The following PTPRA variants were observed in gnomAD, a reference collection of about 807,000 sequenced individuals.
PTPRA encodes the protein receptor-type tyrosine-protein phosphatase alpha.
A neutral mutation model predicts 104.8 loss-of-function variants in PTPRA; 25 were observed. That is an observed-to-expected ratio of 0.24 (90% CI 0.17 to 0.33). The LOEUF (loss-of-function observed/expected upper bound fraction) is 0.33. Ranked by LOEUF, PTPRA falls within the 10% of genes least tolerant of loss-of-function variation. The pLI, the probability that PTPRA is intolerant of heterozygous loss-of-function variation, is 1.00. For synonymous variants in PTPRA, 323 were observed against 368.9 expected, an observed-to-expected ratio of 0.88 and a Z score of 1.43; for missense variants, 765 against 1,015.3, an observed-to-expected ratio of 0.75 and a Z score of 3.35.
At chr20:2,974,396 G>A (rs1178023) in intron 5 of PTPRA, among the ~76,000 whole-genome samples, 28,075 of 151,258 alleles carry the variant, frequency 0.19, 3,878 homozygotes, top group African/African-American at 0.39. Flanking sequence ...GATTAAAGAC[G>A]TGAGCCACTG....
At chr20:3,009,762 T>G (rs1345152755) in intron 11 of PTPRA, among the ~76,000 whole-genome samples, 2 of 152,136 alleles carry the variant, frequency 1.3e-5, no homozygotes, top group Admixed American at 1.3e-4. Flanking sequence ...TAGGTTGACT[T>G]TAATGTTATG....
chr20:2,935,053 A>G (rs904118019), intron 2 of PTPRA, among the ~76,000 whole-genome samples: 15 of 152,178 alleles, frequency 9.9e-5, no homozygotes, highest in Non-Finnish European at 1.9e-4. Flanking sequence ...CATACAATAT[A>G]TTGTTATTAA....
chr20:2,957,866 C>T (rs2061593907), intron 3 of PTPRA, among the ~76,000 whole-genome samples: 1 of 151,774 alleles, frequency 6.6e-6, no homozygotes, highest in African/African-American at 2.4e-5. Flanking sequence ...TAAGGAAAGA[C>T]AGAAAGACTG....
chr20:2,977,929 A>G (rs2062507889), intron 6 of PTPRA, among the ~76,000 whole-genome samples: 1 of 152,146 alleles, frequency 6.6e-6, no homozygotes, highest in Non-Finnish European at 1.5e-5. Flanking sequence ...AAGGCTCATT[A>G]TATCTGGGGA....
intron 9 of PTPRA, among the ~76,000 whole-genome samples, chr20:2,997,789 G>GT (rs1183461711): frequency 6.6e-6 from 1 of 152,174 alleles, no homozygotes. Context: ...GAAAATTGAG[G>GT]TCTTTAAGGC....
intron 6 of PTPRA, among the ~76,000 whole-genome samples, chr20:2,976,269 A>T (rs982782432): frequency 1.2e-4 from 19 of 152,216 alleles, no homozygotes; most frequent in African/African-American, 2.4e-5. Context: ...ATGTAGACTT[A>T]AATAGGTTTT....
At chr20:2,910,426 AAAATG>A in intron 1 of PTPRA, among the ~76,000 whole-genome samples, 1 of 132,842 alleles carries the variant, frequency 7.5e-6, no homozygotes, top group Non-Finnish European at 1.6e-5. Context: ...TATAATATAT[AAAATG>A]TATATTATAT....
intron 9 of PTPRA, among the ~76,000 whole-genome samples, chr20:2,993,140 T>G (rs1406313956): frequency 6.6e-6 from 1 of 152,176 alleles, no homozygotes; most frequent in African/African-American, 2.4e-5. Context: ...TGGATTAAAT[T>G]GAGAGATCAG....
chr20:2,864,878 C>A, the PTPRA span: 2 of 1,524,918 alleles, frequency 1.3e-6, no homozygotes, highest in Non-Finnish European at 1.8e-6. The surrounding 1 kb of genome is among the most constrained non-coding windows in gnomAD (Gnocchi z 5.2). Context: ...CTGACCCTGG[C>A]GACCCTGGGC....
upstream of PTPRA, among the ~76,000 whole-genome samples, chr20:2,872,094 CGGAGATGGTAGGACT>C (rs961210707): frequency 2.6e-5 from 4 of 151,992 alleles, no homozygotes; most frequent in Non-Finnish European, 5.9e-5. The surrounding 1 kb of genome is among the most constrained non-coding windows in gnomAD (Gnocchi z 7.9). Context: ...TGGTGGGGAC[CGGAGATGGTAGGACT>C]GGAGATGGTA....
chr20:2,894,871 C>T (rs1172788619), intron 1 of PTPRA, among the ~76,000 whole-genome samples: 2 of 151,444 alleles, frequency 1.3e-5, no homozygotes, highest in Admixed American at 6.6e-5. Flanking sequence ...CCTGTAGTCC[C>T]AGCTACTCGG....
At chr20:2,928,682 G>A (rs919251874) in intron 2 of PTPRA, among the ~76,000 whole-genome samples, 2 of 151,876 alleles carry the variant, frequency 1.3e-5, no homozygotes, top group African/African-American at 2.4e-5. Flanking sequence ...CCATTTTTTG[G>A]TTCTTTTCTG....
chr20:2,947,970 CT>C lies in PTPRA; in HGVS notation c.-49-5del, dbSNP rs1453610821. On this transcript the variant is annotated splice_polypyrimidine_tract_variant and intron_variant, in intron 2 of 23. Transcript: ENST00000399903. ...ACTCCTAATTAACTGTTTTTTATTTCTTTTTTTCTAGGACACATGTTCAAAG... is the reference window on the plus strand; with the variant it reads ...ACTCCTAATTAACTGTTTTTTATTTCTTTTTTCTAGGACACATGTTCAAAG... 12 of 1,061,188 alleles carry C rather than the reference CT, an allele frequency of 1.1e-5. No individual in the cohort carries two copies. Among genetic ancestry groups the C allele is most frequent in the African/African-American group, 1.6e-5 (1 of 60,708 alleles). 65.7% of individuals were successfully genotyped at this position (1,061,188 alleles called of 1,614,324 possible). A position where few individuals can be genotyped will look rare whatever the true frequency, so the allele number is the denominator to read the frequency against.
At chr20:2,885,093 G>T (rs1006625255) in intron 1 of PTPRA, among the ~76,000 whole-genome samples, 2 of 152,124 alleles carry the variant, frequency 1.3e-5, no homozygotes, top group African/African-American at 2.4e-5. Flanking sequence ...AAGCCACTGC[G>T]CCCGGTTTGA....
intron 1 of PTPRA, among the ~76,000 whole-genome samples, chr20:2,919,273 CTTTA>C (rs1478630691): frequency 3.3e-5 from 5 of 152,172 alleles, no homozygotes; most frequent in Admixed American, 1.3e-4. Flanking sequence ...CTGCCTGAGC[CTTTA>C]TTTAATGCAT....
chr20:2,897,699 A>G (rs534101897), intron 1 of PTPRA, among the ~76,000 whole-genome samples: 3 of 151,630 alleles, frequency 2.0e-5, no homozygotes, highest in African/African-American at 7.3e-5. Flanking sequence ...ATCACTTGCT[A>G]TTTCACTCTA....
intron 9 of PTPRA, among the ~76,000 whole-genome samples, chr20:2,999,751 A>G (rs545658132): frequency 6.6e-6 from 1 of 152,340 alleles, no homozygotes; most frequent in African/African-American, 2.4e-5. Flanking sequence ...AAATGATAAA[A>G]TGTAGAGATC....
intron 1 of PTPRA, among the ~76,000 whole-genome samples, chr20:2,882,764 AGCT>A (rs1280182768): frequency 6.6e-6 from 1 of 152,240 alleles, no homozygotes; most frequent in Non-Finnish European, 1.5e-5. Flanking sequence ...TTAATGGAAC[AGCT>A]GCTTTGACTG....
chr20:3,029,135 T>TTTTGTTTGTTTGTTTG (rs71195812), intron 20 of PTPRA, among the ~76,000 whole-genome samples: 10 of 131,624 alleles, frequency 7.6e-5, no homozygotes, highest in African/African-American at 3.0e-4. Flanking sequence ...TTTTTTTTGG[T>TTTTGTTTGTTTGTTTG]TTTGTTTGTT....
Sources: allele counts gnomAD v4.1 joint callset (sites outside exome capture counted in the v4.1 genomes callset), GRCh38; gene constraint gnomAD v4.1.1; non-coding constraint Gnocchi (gnomAD v3.1); transcripts MANE v1.5; gene names NCBI Gene and HGNC (gene_info 2026-07-23, HGNC 2026-07-21).